The following RXRA variants were observed in gnomAD, a reference collection of about 807,000 sequenced individuals.
RXRA encodes retinoid X receptor alpha.
In RXRA, 5 loss-of-function variants were observed where a neutral mutation model predicts 44.5. The ratio of observed to expected loss-of-function variants is 0.11; its 90% CI spans 0.06 to 0.24. The LOEUF (loss-of-function observed/expected upper bound fraction) is 0.24, where lower values mean the gene tolerates loss of function less well. RXRA is among the 10% of genes least tolerant of loss of function. The pLI, the probability that RXRA is intolerant of heterozygous loss-of-function variation, is 1.00. For synonymous variants in RXRA, 291 were observed against 271.4 expected, an observed-to-expected ratio of 1.07 and a Z score of -0.71; for missense variants, 412 against 646.5, an observed-to-expected ratio of 0.64 and a Z score of 3.93.
chr9:134,391,504 C>T (rs1004825992), intron 1 of RXRA, among the ~76,000 whole-genome samples: 33 of 152,360 alleles, frequency 2.2e-4, no homozygotes, highest in African/African-American at 6.5e-4. Context: ...GCCACACAGG[C>T]GGGCTGTGGG....
At chr9:134,427,024 G>C in intron 6 of RXRA, 1 of 981,826 alleles carries the variant, frequency 1.0e-6, no homozygotes, top group South Asian at 4.7e-5. Context: ...GAGTGGGCCC[G>C]GGGCTCCTGT....
chr9:134,433,418 C>T lies in RXRA; in HGVS notation c.1136-684C>T, dbSNP rs750799870. ...CCAGGGCACAGGCATGCAGGGAGGG[C>T]GAGGAGACTGGCTGGAGCGGAGGCA... is the stretch of plus-strand genomic sequence containing the variant. On this transcript the variant is annotated intron_variant, in intron 8 of 9. Transcript: ENST00000481739. This position sits in a 1 kb window ranked among gnomAD's most constrained non-coding sequence, Gnocchi z 4.2. Among the ~76,000 whole-genome samples the T allele has an allele frequency of 2.6e-5, 4 of 151,628 alleles. No individual in the cohort carries two copies. The highest frequency in any genetic ancestry group is 4.9e-5 in the African/African-American group (2 of 41,024).
At chr9:134,364,683 C>CA (rs1260851138) in intron 1 of RXRA, among the ~76,000 whole-genome samples, 10 of 152,222 alleles carry the variant, frequency 6.6e-5, no homozygotes, top group African/African-American at 2.4e-4. Context: ...CAGCTCCCCA[C>CA]ACCCCCTAAG....
intron 1 of RXRA, among the ~76,000 whole-genome samples, chr9:134,339,394 G>A (rs986762293): frequency 2.0e-5 from 3 of 152,148 alleles, no homozygotes; most frequent in Admixed American, 6.5e-5. Context: ...CTCTGTCTGC[G>A]TGTGAGCCCG....
Position 134,431,971 on chromosome 9 carries a change from G to T in RXRA, c.1110G>T (p.Leu370=), listed in dbSNP as rs577968001. The change falls in exon 8 of 10, where the codon CTG becomes CTT. Residue 370 remains leucine, a synonymous_variant. Coordinates refer to ENST00000481739, the MANE Select transcript of RXRA (RefSeq NM_002957.6). ...MQMDKTELGC[L]RAIVLFNPDS... is the part of the protein sequence containing the mutation. ...TGGACAAGACGGAGCTGGGCTGCCT[G>T]CGCGCCATCGTCCTCTTTAACCCTG... 1 of 1,613,940 alleles carries T rather than the reference G, an allele frequency of 6.2e-7. No homozygotes were observed. Among genetic ancestry groups the T allele is most frequent in the African/African-American group, 1.3e-5 (1 of 75,070 alleles).
intron 1 of RXRA, among the ~76,000 whole-genome samples, chr9:134,329,343 C>T (rs770609093): frequency 4.6e-5 from 7 of 152,242 alleles, no homozygotes; most frequent in Non-Finnish European, 7.3e-5. Flanking sequence ...CTGACGAGGG[C>T]GTCTTTTAGC....
chr9:134,412,839 A>G (rs1831171200), intron 4 of RXRA, among the ~76,000 whole-genome samples: 1 of 152,134 alleles, frequency 6.6e-6, no homozygotes, highest in African/African-American at 2.4e-5. Context: ...ATTGGTCTAG[A>G]GGGGGCAGTG....
intron 1 of RXRA, among the ~76,000 whole-genome samples, chr9:134,370,929 A>G (rs971638065): frequency 6.6e-6 from 1 of 152,152 alleles, no homozygotes; most frequent in African/African-American, 2.4e-5. Flanking sequence ...GTCAGCAGAG[A>G]GTACAGTGTC....
intron 1 of RXRA, among the ~76,000 whole-genome samples, chr9:134,397,301 C>G (rs1830894316): frequency 6.6e-6 from 1 of 152,168 alleles, no homozygotes; most frequent in South Asian, 2.1e-4. Flanking sequence ...GCAGTCAGGA[C>G]AAGAACATTC....
chr9:134,426,295 C>G lies in RXRA; in HGVS notation c.911-2813C>G, dbSNP rs529555896. ...CCCACATCACAGGGCCAGGAGCCCTCCTTCCTGCAGCGATGGAGCACTTAG... is the reference window on the plus strand; with the variant it reads ...CCCACATCACAGGGCCAGGAGCCCTGCTTCCTGCAGCGATGGAGCACTTAG... On this transcript the variant is annotated intron_variant, in intron 6 of 9. Coordinates refer to ENST00000481739, the MANE Select transcript of RXRA (RefSeq NM_002957.6). This position sits in a 1 kb window ranked among gnomAD's most constrained non-coding sequence, Gnocchi z 4.6. 3 of 985,454 alleles carry G rather than the reference C, an allele frequency of 3.0e-6. No individual in the cohort carries two copies. In the East Asian group the frequency reaches 3.4e-4, roughly 112 times the overall value. The allele number at this position is 985,454 out of a possible 1,614,324, so 61.0% of individuals were successfully genotyped here.
intron 9 of RXRA, among the ~76,000 whole-genome samples, chr9:134,434,884 G>A (rs548844794): frequency 2.9e-4 from 44 of 152,068 alleles, no homozygotes; most frequent in Non-Finnish European, 5.6e-4. Flanking sequence ...GGGGGAGGTG[G>A]GGCCCAGCAG....
chr9:134,416,835 T>G (rs777835791), intron 4 of RXRA, among the ~76,000 whole-genome samples: 1 of 152,166 alleles, frequency 6.6e-6, no homozygotes, highest in African/African-American at 2.4e-5. Flanking sequence ...GGCTTCCTGG[T>G]TCTCCCTGAG....
At chr9:134,399,515 C>A (rs1588287485) in intron 1 of RXRA, among the ~76,000 whole-genome samples, 1 of 152,200 alleles carries the variant, frequency 6.6e-6, no homozygotes, top group African/African-American at 2.4e-5. Context: ...CCCTGGCCTT[C>A]TGCACCTGGG....
intron 1 of RXRA, among the ~76,000 whole-genome samples, chr9:134,381,779 A>G (rs2119102822): frequency 6.6e-6 from 1 of 152,156 alleles, no homozygotes; most frequent in African/African-American, 2.4e-5. Context: ...GCTTCACTGC[A>G]AATTAGCCCC....
intron 6 of RXRA, chr9:134,425,805 C>A (rs956991851): frequency 1.0e-6 from 1 of 985,260 alleles, no homozygotes; most frequent in Admixed American, 6.1e-5. Context: ...GGACAGCAGC[C>A]GTGACTCTGG....
intron 6 of RXRA, chr9:134,423,431 A>G (rs1831381297): frequency 2.0e-6 from 2 of 985,454 alleles, no homozygotes; most frequent in Non-Finnish European, 2.4e-6. Context: ...AGTGGAGAAG[A>G]CACAGCCAGA....
chr9:134,359,075 G>A (rs892219456), intron 1 of RXRA, among the ~76,000 whole-genome samples: 4 of 152,150 alleles, frequency 2.6e-5, no homozygotes, highest in African/African-American at 9.7e-5. Context: ...GGAAGGCCAG[G>A]GTGTAGCCAG....
chr9:134,391,490 C>T (rs531552597), intron 1 of RXRA, among the ~76,000 whole-genome samples: 7 of 152,298 alleles, frequency 4.6e-5, no homozygotes, highest in African/African-American at 1.7e-4. Context: ...CTGGGGGCCC[C>T]CTCGCCACAC....
rs1231844620 is a variant in RXRA at position 134,426,525 on chromosome 9, A to G, written c.911-2583A>G. The G allele has an allele frequency of 2.0e-6, 2 of 985,330 alleles. No individual in the cohort carries two copies. Among genetic ancestry groups the G allele is most frequent in the East Asian group, 2.3e-4 (2 of 8,828 alleles). 61.0% of individuals were successfully genotyped at this position (985,330 alleles called of 1,614,324 possible). A position where few individuals can be genotyped will look rare whatever the true frequency, so the allele number is the denominator to read the frequency against. ...CGGAGGGTGCAGAGAGAGACTCCGCACTGTTCTGTCCGTGTGTCTGGGCTC... is the reference window on the plus strand; with the variant it reads ...CGGAGGGTGCAGAGAGAGACTCCGCGCTGTTCTGTCCGTGTGTCTGGGCTC... On this transcript the variant is annotated intron_variant, in intron 6 of 9. Transcript: ENST00000481739. The surrounding 1 kb of genome is among the most constrained non-coding windows in gnomAD (Gnocchi z 4.6).
Sources: allele counts gnomAD v4.1 joint callset (sites outside exome capture counted in the v4.1 genomes callset), GRCh38; gene constraint gnomAD v4.1.1; non-coding constraint Gnocchi (gnomAD v3.1); transcripts MANE v1.5; gene names NCBI Gene and HGNC (gene_info 2026-07-23, HGNC 2026-07-21).